KCNH7: variants seen among roughly 807,000 people sequenced by gnomAD.
KCNH7 encodes the protein potassium voltage-gated channel subfamily H member 7.
KCNH7 carries 49 observed loss-of-function variants against 120.8 expected under a neutral mutation model. The observed-to-expected ratio is 0.41, with a 90% confidence interval of 0.32 to 0.51. KCNH7 has a LOEUF of 0.51. Ranked by LOEUF, KCNH7 falls within the 20% of genes least tolerant of loss-of-function variation. The pLI is 0.38. For synonymous variants in KCNH7, 547 were observed against 516.1 expected, an observed-to-expected ratio of 1.06 and a Z score of -0.81; for missense variants, 1,097 against 1,446.6, an observed-to-expected ratio of 0.76 and a Z score of 3.92.
chr2:162,532,840 C>T (rs1401837059), intron 3 of KCNH7, among the ~76,000 whole-genome samples: 1 of 151,898 alleles, frequency 6.6e-6, no homozygotes, highest in Non-Finnish European at 1.5e-5. Context: ...TAGATAAGCT[C>T]ACTGAGTACC....
At chr2:162,744,568 CTTTT>C (rs144013923) in intron 2 of KCNH7, among the ~76,000 whole-genome samples, 10 of 115,288 alleles carry the variant, frequency 8.7e-5, no homozygotes, top group East Asian at 7.4e-4. Context: ...ATTCACAGAA[CTTTT>C]TTTTTTTTTT....
In KCNH7 at chr2:162,371,727, ACCT is replaced by A; in HGVS notation, c.*99_*101del. 2 of 1,119,466 alleles carry A rather than the reference ACCT, an allele frequency of 1.8e-6. No homozygotes were observed. Among genetic ancestry groups the A allele is most frequent in the Non-Finnish European group, 2.5e-6 (2 of 794,472 alleles). 69.3% of individuals were successfully genotyped at this position (1,119,466 alleles called of 1,614,324 possible). A position where few individuals can be genotyped will look rare whatever the true frequency, so the allele number is the denominator to read the frequency against. ...ATACAGTACTTTTGCATATAATGGTACCTTGTGAGCCCCTGAGTCAAGTAGAGA... is the reference window on the plus strand; with the variant it reads ...ATACAGTACTTTTGCATATAATGGTATGTGAGCCCCTGAGTCAAGTAGAGA... On this transcript the variant is annotated 3_prime_UTR_variant, in exon 16 of 16. Coordinates refer to ENST00000332142, the MANE Select transcript of KCNH7 (RefSeq NM_033272.4).
At chr2:162,838,406 G>T in intron 1 of KCNH7, 37 bp downstream of exon 1, 1 of 1,566,750 alleles carries the variant, frequency 6.4e-7, no homozygotes, top group Non-Finnish European at 8.8e-7. Context: ...TAACAAGGCA[G>T]AAAGCGAGGG....
intron 2 of KCNH7, among the ~76,000 whole-genome samples, chr2:162,629,128 C>T (rs1050109632): frequency 8.5e-5 from 13 of 152,102 alleles, no homozygotes; most frequent in African/African-American, 1.2e-4. Flanking sequence ...CACAGGCCAA[C>T]GCTGACTTTC....
chr2:162,690,619 T>C (rs1665988234), intron 2 of KCNH7, among the ~76,000 whole-genome samples: 1 of 152,048 alleles, frequency 6.6e-6, no homozygotes, highest in African/African-American at 2.4e-5. Context: ...AAGAGAAGCA[T>C]TACTATCTTA....
chr2:162,473,006 G>A (rs995664257), intron 6 of KCNH7, among the ~76,000 whole-genome samples: 3 of 152,134 alleles, frequency 2.0e-5, no homozygotes, highest in Non-Finnish European at 4.4e-5. Context: ...TCACTCATAG[G>A]TGGGAATTGA....
intron 2 of KCNH7, among the ~76,000 whole-genome samples, chr2:162,744,568 CTT>C (rs144013923): frequency 0.08 from 9,231 of 115,196 alleles, 482 homozygotes; most frequent in African/African-American, 0.24. Flanking sequence ...ATTCACAGAA[CTT>C]TTTTTTTTTT....
At chr2:162,412,764 AAG>A (rs1687428213) in intron 9 of KCNH7, among the ~76,000 whole-genome samples, 1 of 152,166 alleles carries the variant, frequency 6.6e-6, no homozygotes, top group Non-Finnish European at 1.5e-5. Context: ...TAATGACCGA[AAG>A]AGATTCTGTT....
At chr2:162,669,580 T>C (rs1254670730) in intron 2 of KCNH7, among the ~76,000 whole-genome samples, 3 of 152,184 alleles carry the variant, frequency 2.0e-5, no homozygotes, top group Non-Finnish European at 4.4e-5. Context: ...GGTTCCCAAA[T>C]GGGAGTAATT....
intron 2 of KCNH7, among the ~76,000 whole-genome samples, chr2:162,831,467 GC>G (rs1685476216): frequency 6.6e-6 from 1 of 152,148 alleles, no homozygotes; most frequent in Admixed American, 6.5e-5. Flanking sequence ...TGACCAGTTG[GC>G]TTTAGGGAGC....
chr2:162,727,360 A>C (rs865806814), intron 2 of KCNH7, among the ~76,000 whole-genome samples: 1 of 152,232 alleles, frequency 6.6e-6, no homozygotes, highest in African/African-American at 2.4e-5. Context: ...TGTTAATAAA[A>C]TATAATTAAC....
At chr2:162,571,444 C>A (rs1326653015) in intron 2 of KCNH7, among the ~76,000 whole-genome samples, 9 of 147,038 alleles carry the variant, frequency 6.1e-5, no homozygotes, top group African/African-American at 1.8e-4. Context: ...TAGGAAGAAT[C>A]AATATCATGA....
At chr2:162,435,833 C>A (rs1404185815) in intron 7 of KCNH7, among the ~76,000 whole-genome samples, 1 of 151,998 alleles carries the variant, frequency 6.6e-6, no homozygotes, top group Non-Finnish European at 1.5e-5. Context: ...ACATGGGGCA[C>A]AGAATCTGTC....
At chr2:162,507,372 C>T (rs548780425) in intron 5 of KCNH7, among the ~76,000 whole-genome samples, 1 of 151,626 alleles carries the variant, frequency 6.6e-6, no homozygotes, top group South Asian at 2.1e-4. Context: ...AAATATCTTC[C>T]TATGTATGTA....
Position 162,517,710 on chromosome 2 carries a change from T to TAA in KCNH7, c.892+18_892+19dup, listed in dbSNP as rs112112700. The TAA allele has an allele frequency of 4.6e-6, 7 of 1,510,972 alleles. No individual in the cohort carries two copies. The African/African-American group carries it at 8.4e-5, about 18-fold the overall frequency. The allele number at this position is 1,510,972 out of a possible 1,614,324, so 93.6% of individuals were successfully genotyped here. A position where few individuals can be genotyped will look rare whatever the true frequency, so the allele number is the denominator to read the frequency against. ...TTACCCATTAATATATGTTTCCATT[T>TAA]AAAAAAAAATCAAACATACCTTCGC... On this transcript the variant is annotated intron_variant, in intron 4 of 15. Coordinates refer to ENST00000332142, the MANE Select transcript of KCNH7 (RefSeq NM_033272.4).
chr2:162,748,867 C>A (rs1416151603), intron 2 of KCNH7, among the ~76,000 whole-genome samples: 1 of 94,906 alleles, frequency 1.1e-5, no homozygotes, highest in Non-Finnish European at 2.0e-5. Flanking sequence ...CTTCCCTCCC[C>A]TCCCCCTTCC....
intron 2 of KCNH7, chr2:162,796,174 G>A (rs1684139047): frequency 6.6e-6 from 1 of 152,080 alleles, no homozygotes; most frequent in Non-Finnish European, 1.5e-5. Flanking sequence ...TGAATTTCAT[G>A]TCTACCACTG....
At chr2:162,520,760 C>A (rs1233194908) in intron 3 of KCNH7, among the ~76,000 whole-genome samples, 3 of 151,754 alleles carry the variant, frequency 2.0e-5, no homozygotes, top group East Asian at 2.0e-4. Context: ...CAGAGAGAGA[C>A]CCTATCTCTA....
At position 162,698,041 on chromosome 2, in the gene KCNH7, G is replaced by T. The variant is rs1686353623; in HGVS notation, c.307+138496C>A. On this transcript the variant is annotated intron_variant, in intron 2 of 15. Transcript: ENST00000332142. ...ATAGTTTCAGAGCGCATACAAATTG[G>T]ATTCAACATTCACATAGTTGATACA... Among the ~76,000 whole-genome samples, 3 of 152,076 alleles carry T rather than the reference G, an allele frequency of 2.0e-5. 1 individual carries two copies. The South Asian group carries it at 6.2e-4, about 32-fold the overall frequency.
Sources: gnomAD v4.1 joint callset for allele counts (sites outside exome capture counted in the v4.1 genomes callset) on GRCh38, gnomAD v4.1.1 for gene constraint, MANE v1.5 for transcripts, NCBI Gene and HGNC (gene_info 2026-07-23, HGNC 2026-07-21) for gene names.